The following MUC4 variants were observed in gnomAD, a reference collection of about 807,000 sequenced individuals.
MUC4 encodes mucin 4, cell surface associated.
MUC4 carries 202 observed loss-of-function variants against 257.9 expected under a neutral mutation model. The observed-to-expected ratio is 0.78, with a 90% CI of 0.70 to 0.88. The LOEUF (loss-of-function observed/expected upper bound fraction) is 0.88. Among genes scored for constraint, MUC4 ranks in the 40% least tolerant of loss-of-function variants. MUC4 has a pLI of 0.00. For missense variants in MUC4, 5,976 were observed against 6,513.7 expected (o/e 0.92, Z 2.84); for synonymous variants, 2,351 against 2,757.1 (o/e 0.85, Z 4.62).
In MUC4 at chr3:195,778,913, T is replaced by A. The variant is rs1388355452; in HGVS notation, c.12667A>T (p.Thr4223Ser). The A allele has an allele frequency of 2.6e-6, 4 of 1,558,902 alleles. No homozygotes were observed. The highest frequency in any genetic ancestry group is 3.5e-6 in the Non-Finnish European group (4 of 1,152,726). ...DTSSASTGHA[T>S]PLPVTSLSSV... ...GAAAGGCTGGTGACAGGAAGAGGGG[T>A]GGCGTGACCTGTGGATGCTGAGGAA... The change falls in exon 2 of 25, where the codon ACC becomes TCC. Residue 4223 changes from threonine (T) to serine (S), a missense_variant. By Grantham distance (58) the Thr-to-Ser change is moderately conservative. Coordinates refer to ENST00000463781, the MANE Select transcript of MUC4 (RefSeq NM_018406.7).
intron 1 of MUC4, among the ~76,000 whole-genome samples, chr3:195,793,577 G>A (rs1734156786): frequency 6.6e-6 from 1 of 152,122 alleles, no homozygotes; most frequent in African/African-American, 2.4e-5. Flanking sequence ...GAAGGCCCCT[G>A]ATAAGCACTG....
At chr3:195,773,110 C>T (rs1357516400) in intron 4 of MUC4, among the ~76,000 whole-genome samples, 1 of 140,198 alleles carries the variant, frequency 7.1e-6, no homozygotes, top group Non-Finnish European at 1.5e-5. Context: ...CTCTCTCCAT[C>T]GCTCAGGGGT....
At chr3:195,777,839 T>G (rs139002168) in intron 3 of MUC4, among the ~76,000 whole-genome samples, 111 of 1,876 alleles carry the variant, frequency 0.059, no homozygotes, top group African/African-American at 0.097. Context: ...ACCTTCCACA[T>G]CCATACCTTC....
intron 1 of MUC4, among the ~76,000 whole-genome samples, chr3:195,808,087 C>A (rs967294831): frequency 1.3e-5 from 2 of 152,250 alleles, no homozygotes; most frequent in African/African-American, 4.8e-5. Flanking sequence ...CCACAGGAAG[C>A]ACGGGGTGGC....
intron 8 of MUC4, 90 bp from the exon 9 acceptor site, chr3:195,765,539 G>C: frequency 7.7e-7 from 1 of 1,290,942 alleles, no homozygotes; most frequent in Non-Finnish European, 1.1e-6. Flanking sequence ...ACTCACAAAT[G>C]CACCCCCTCC....
intron 5 of MUC4, among the ~76,000 whole-genome samples, chr3:195,771,210 T>C (rs1273667719): frequency 0.019 from 507 of 26,894 alleles, 69 homozygotes; most frequent in East Asian, 0.053. Context: ...GTCTCGTGGT[T>C]GGGTTGGTGT....
rs1715129025 is a variant in MUC4 at position 195,746,884 on chromosome 3, T to TTG, written c.*291_*292insCA. On this transcript the variant is annotated 3_prime_UTR_variant, in exon 25 of 25. Coordinates refer to ENST00000463781, the MANE Select transcript of MUC4 (RefSeq NM_018406.7). ...TTAGGGCCATCACCACATTATGAAC[T>TTG]CGTGTGTGTGTGTGTGTGTGTGCAC... The TTG allele has an allele frequency of 5.0e-6, 2 of 401,790 alleles. No individual in the cohort carries two copies. The highest frequency in any genetic ancestry group is 4.5e-5 in the African/African-American group (2 of 44,462). 24.9% of individuals were successfully genotyped at this position (401,790 alleles called of 1,614,324 possible).
intron 7 of MUC4, among the ~76,000 whole-genome samples, chr3:195,767,814 TCACCACCACCACCACCATCACCAC>T (rs751547095): frequency 9.3e-5 from 4 of 42,878 alleles, no homozygotes; most frequent in African/African-American, 4.0e-4. Flanking sequence ...ATCACCACCA[TCACCACCACCACCACCATCACCAC>T]CACCACCATC....
chr3:195,762,014 G>C (rs1719066969), intron 14 of MUC4, 73 bp downstream of exon 14: 4 of 1,483,654 alleles, frequency 2.7e-6, no homozygotes, highest in Admixed American at 2.1e-5. Flanking sequence ...AGGGCTGCCC[G>C]GGCCGCCGGC....
At chr3:195,778,167 G>A (rs1451956097) in intron 3 of MUC4, 136 bp downstream of exon 3, 14 of 1,187,770 alleles carry the variant, frequency 1.2e-5, no homozygotes, top group South Asian at 1.0e-4. Flanking sequence ...CCTCAGGAGC[G>A]ACTCCGATGC....
At chr3:195,761,147 G>A in intron 15 of MUC4, 30 bp from the exon 16 acceptor site, 1 of 1,587,152 alleles carries the variant, frequency 6.3e-7, no homozygotes, top group Non-Finnish European at 8.7e-7. Context: ...GTGGTACCAG[G>A]CATGGCACTC....
At chr3:195,756,695 C>G (rs557686045) in intron 18 of MUC4, among the ~76,000 whole-genome samples, 4 of 142,626 alleles carry the variant, frequency 2.8e-5, no homozygotes, top group Non-Finnish European at 4.5e-5. Flanking sequence ...TAGAGTCTCA[C>G]TCTGTTGCCC....
At chr3:195,769,401 TA>T in intron 6 of MUC4, 1 of 505,852 alleles carries the variant, frequency 2.0e-6, no homozygotes. Context: ...GGAGGGGAGA[TA>T]AAGGGTTCTG....
At chr3:195,795,840 T>TC (rs1431299529) in intron 1 of MUC4, among the ~76,000 whole-genome samples, 13 of 18,414 alleles carry the variant, frequency 7.1e-4, no homozygotes, top group African/African-American at 3.4e-3. Flanking sequence ...AGAAAGAAAG[T>TC]GGGGGAGGGG....
chr3:195,751,134 AGGGGGGGT>A (rs781392131), intron 22 of MUC4, 22 bp from the exon 23 acceptor site: 40 of 212,062 alleles, frequency 1.9e-4, no homozygotes, highest in South Asian at 1.3e-3. Context: ...GGCAACGGTG[AGGGGGGGT>A]GGGGGGCTGG....
chr3:195,780,214 T>G lies in MUC4; in HGVS notation c.11366A>C (p.Asp3789Ala), dbSNP rs1578215796. ...VTDASSASTG[D>A]TTPLPVTDTS... Reference sequence around the variant, plus strand: ...GTCGGTGACAGGAAGAGGGGTGGTGTCACCTGTGGATGCTGAGGAAGCGTC... The same window carrying G: ...GTCGGTGACAGGAAGAGGGGTGGTGGCACCTGTGGATGCTGAGGAAGCGTC... The change falls in exon 2 of 25, where the codon GAC becomes GCC. Residue 3789 changes from aspartate (D) to alanine (A), a missense_variant. Coordinates refer to ENST00000463781, the MANE Select transcript of MUC4 (RefSeq NM_018406.7). 2 of 1,392,800 alleles carry G rather than the reference T, an allele frequency of 1.4e-6. No individual in the cohort carries two copies. The highest frequency in any genetic ancestry group is 2.1e-5 in the Admixed American group (1 of 47,608). The allele number at this position is 1,392,800 out of a possible 1,614,324, so 86.3% of individuals were successfully genotyped here.
chr3:195,765,095 A>G lies in MUC4; in HGVS notation c.13826T>C (p.Leu4609Pro). ...TCCTCGCCAAGAGGTGAAGCTGCAC[A>G]GCTGCCTACTGCCGAGGCCCCAGCG... ...IGRWGLGSRQ[L>P]CSFTSWRGGV... Residue 4609 changes from leucine (L) to proline (P), a missense_variant, in exon 10 of 25, where the codon CTG (leucine) becomes CCG (proline). By Grantham distance (98) the Leu-to-Pro change is moderately conservative. Transcript: ENST00000463781. 1 of 1,613,616 alleles carries G rather than the reference A, an allele frequency of 6.2e-7. No individual in the cohort carries two copies. Among genetic ancestry groups the G allele is most frequent in the South Asian group, 1.1e-5 (1 of 91,074 alleles).
intron 5 of MUC4, chr3:195,770,631 T>G (rs1466982786): frequency 3.7e-6 from 2 of 546,656 alleles, no homozygotes; most frequent in East Asian, 6.4e-5. Context: ...TCAAGCATCT[T>G]AGCTCAAACT....
In MUC4 at chr3:195,770,318, A is replaced by G; in HGVS notation, c.13296T>C (p.Ser4432=). The part of the protein sequence containing the change: ...EHSLLVQQAE[S]WIRKMTNNGG... Reference sequence around the variant, plus strand: ...CGTTGTTTGTCATCTTTCTAATCCAAGACTCGGCCTGCTGGACTAGCAGGC... The same window carrying G: ...CGTTGTTTGTCATCTTTCTAATCCAGGACTCGGCCTGCTGGACTAGCAGGC... The change falls in exon 6 of 25, where the codon TCT becomes TCC. Residue 4432 remains serine (S), a synonymous_variant. Transcript: ENST00000463781. 1.9e-6 allele frequency: 3 copies of G among 1,614,062 alleles called. No homozygotes were observed. Among genetic ancestry groups the G allele is most frequent in the South Asian group, 2.2e-5 (2 of 91,070 alleles).
Sources: allele counts gnomAD v4.1 joint callset (sites outside exome capture counted in the v4.1 genomes callset), GRCh38; gene constraint gnomAD v4.1.1; transcripts MANE v1.5; gene names NCBI Gene and HGNC (gene_info 2026-07-23, HGNC 2026-07-21).